The following SASH1 variants were observed in gnomAD, a reference collection of about 807,000 sequenced individuals.
The protein encoded by SASH1 is SAM and SH3 domain containing 1.
In SASH1, 44 loss-of-function variants were observed where a neutral mutation model predicts 125.2. The ratio of observed to expected loss-of-function variants is 0.35; its 90% CI spans 0.28 to 0.45. The LOEUF is 0.45. SASH1 is among the 20% of genes least tolerant of loss of function. The probability of loss-of-function intolerance (pLI) is 1.00; values close to 1 mark genes in which losing one functional copy is unlikely to be tolerated. For missense variants in SASH1, 1,426 were observed against 1,614.5 expected (o/e 0.88, Z 2.00); for synonymous variants, 639 against 649.1 (o/e 0.98, Z 0.24).
At chr6:148,348,789 T>G (rs1381122495) in intron 1 of SASH1, among the ~76,000 whole-genome samples, 1 of 152,236 alleles carries the variant, frequency 6.6e-6, no homozygotes, top group Non-Finnish European at 1.5e-5. Flanking sequence ...TTTTGTTTGT[T>G]TAAGCTATTG....
intron 1 of SASH1, among the ~76,000 whole-genome samples, chr6:148,323,036 CT>C (rs1032718774): frequency 1.4e-5 from 2 of 140,424 alleles, no homozygotes; most frequent in Non-Finnish European, 1.5e-5. Flanking sequence ...CTTTCTTCCT[CT>C]TTTTTTTGAG....
At chr6:148,274,003 C>G (rs974883106) in intron 1 of SASH1, among the ~76,000 whole-genome samples, 1 of 152,200 alleles carries the variant, frequency 6.6e-6, no homozygotes. Context: ...TCCTTGCCAT[C>G]TTGGTAGGAT....
intron 2 of SASH1, among the ~76,000 whole-genome samples, chr6:148,405,229 A>G (rs73011323): frequency 0.13 from 19,292 of 151,700 alleles, 1,297 homozygotes; most frequent in Middle Eastern, 0.19. Flanking sequence ...TCTGCTTGTG[A>G]TCACCTCTGT....
At chr6:148,543,011 A>G (rs866376386) in intron 17 of SASH1, among the ~76,000 whole-genome samples, 3 of 152,196 alleles carry the variant, frequency 2.0e-5, no homozygotes, top group African/African-American at 7.2e-5. Context: ...AGATAAGTAG[A>G]TTATGTCTGG....
intron 12 of SASH1, among the ~76,000 whole-genome samples, chr6:148,530,173 C>T (rs6570862): frequency 0.91 from 138,282 of 152,240 alleles, 62,905 homozygotes; most frequent in African/African-American, 0.94. Flanking sequence ...TTGTTTTCTC[C>T]GTTGCTGCTA....
At chr6:148,317,390 A>G (rs191215277) in intron 1 of SASH1, among the ~76,000 whole-genome samples, 1 of 152,318 alleles carries the variant, frequency 6.6e-6, no homozygotes, top group East Asian at 1.9e-4. Flanking sequence ...ATTTGTTATT[A>G]TTTAGGAGGT....
chr6:148,469,321 T>C (rs1777991556), intron 5 of SASH1, among the ~76,000 whole-genome samples: 1 of 152,230 alleles, frequency 6.6e-6, no homozygotes, highest in Non-Finnish European at 1.5e-5. Flanking sequence ...ATTAGATAGC[T>C]AAGTGCCTGG....
chr6:148,235,942 T>TC, the SASH1 span, among the ~76,000 whole-genome samples: 1 of 152,138 alleles, frequency 6.6e-6, no homozygotes, highest in Non-Finnish European at 1.5e-5. Context: ...GTAGGCTAGT[T>TC]TTCTTCTTAT....
the SASH1 span, among the ~76,000 whole-genome samples, chr6:148,221,944 C>T: frequency 6.6e-6 from 1 of 152,160 alleles, no homozygotes; most frequent in Admixed American, 6.5e-5. Context: ...TTCCCTTTAC[C>T]TCCTTTCTTC....
intron 1 of SASH1, among the ~76,000 whole-genome samples, chr6:148,322,714 C>T (rs2114576040): frequency 6.6e-6 from 1 of 152,294 alleles, no homozygotes; most frequent in Non-Finnish European, 1.5e-5. Context: ...CATGATAATT[C>T]TCCTACTTCT....
At chr6:148,444,927 A>C (rs1370357477) in intron 4 of SASH1, among the ~76,000 whole-genome samples, 2 of 152,172 alleles carry the variant, frequency 1.3e-5, no homozygotes, top group African/African-American at 4.8e-5. Flanking sequence ...TGAATTATTT[A>C]TGAGTTTTCT....
At chr6:148,221,846 T>G in the SASH1 span, among the ~76,000 whole-genome samples, 1 of 152,220 alleles carries the variant, frequency 6.6e-6, no homozygotes, top group African/African-American at 2.4e-5. Flanking sequence ...GACTGAGTCT[T>G]TCTCCCATTC....
At chr6:148,508,679 T>C in intron 8 of SASH1, 1 of 1,176,996 alleles carries the variant, frequency 8.5e-7, no homozygotes, top group Non-Finnish European at 1.1e-6. Context: ...CCCTTTCTCC[T>C]TCGGATACTG....
chr6:148,458,830 G>C (rs1384751137), intron 4 of SASH1, among the ~76,000 whole-genome samples: 1 of 152,078 alleles, frequency 6.6e-6, no homozygotes, highest in Non-Finnish European at 1.5e-5. Context: ...AGTCGGGCAT[G>C]ATGGCATGCG....
In SASH1 at chr6:148,544,229, G is replaced by A. The variant is rs145411864; in HGVS notation, c.2759G>A (p.Arg920His). 266 of 1,614,012 alleles carry A rather than the reference G, an allele frequency of 1.6e-4. No homozygotes were observed. Among genetic ancestry groups the A allele is most frequent in the East Asian group, 2.7e-4 (12 of 44,874 alleles). Reference sequence around the variant, plus strand: ...GAGGGCTCAATCGCAGCCTCTGGTCGCGGCCTGTCACCCCCTCAGTGTTTG... The same window carrying A: ...GAGGGCTCAATCGCAGCCTCTGGTCACGGCCTGTCACCCCCTCAGTGTTTG... ...KLEGSIAASG[R>H]GLSPPQCLPR... Residue 920 changes from arginine (R) to histidine (H), a missense_variant, in exon 18 of 20, where the codon CGC becomes CAC. Arg to His is a conservative substitution (Grantham distance 29). Coordinates refer to ENST00000367467, the MANE Select transcript of SASH1 (RefSeq NM_015278.5). This position sits in a 1 kb window ranked among gnomAD's most constrained non-coding sequence, Gnocchi z 6.4.
intron 1 of SASH1, among the ~76,000 whole-genome samples, chr6:148,328,428 A>G (rs1357033044): frequency 6.6e-6 from 1 of 152,072 alleles, no homozygotes; most frequent in African/African-American, 2.4e-5. Context: ...CCCCATCTCT[A>G]CTAAAAATAC....
At chr6:148,475,913 A>G (rs1437477847) in intron 7 of SASH1, among the ~76,000 whole-genome samples, 1 of 152,244 alleles carries the variant, frequency 6.6e-6, no homozygotes, top group African/African-American at 2.4e-5. Context: ...ATAAAAATAA[A>G]ATAGAGCAAT....
At chr6:148,540,900 G>A (rs2115440950) in intron 17 of SASH1, among the ~76,000 whole-genome samples, 1 of 152,308 alleles carries the variant, frequency 6.6e-6, no homozygotes, top group East Asian at 1.9e-4. Context: ...GGTCATACCA[G>A]CAGCAGTGTC....
chr6:148,205,386 A>C, the SASH1 span, among the ~76,000 whole-genome samples: 1 of 152,066 alleles, frequency 6.6e-6, no homozygotes, highest in South Asian at 2.1e-4. Flanking sequence ...ATTTTTTCAT[A>C]AACTTCTTTT....
Sources: allele counts gnomAD v4.1 joint callset (sites outside exome capture counted in the v4.1 genomes callset), GRCh38; gene constraint gnomAD v4.1.1; non-coding constraint Gnocchi (gnomAD v3.1); transcripts MANE v1.5; gene names NCBI Gene and HGNC (gene_info 2026-07-23, HGNC 2026-07-21).